Variants in CUX1 observed in about 807,000 individuals in gnomAD.
CUX1 encodes the protein protein CASP.
CUX1 carries 31 observed loss-of-function variants against 158.8 expected under a neutral mutation model. That is an observed-to-expected ratio of 0.20 (90% CI 0.15 to 0.26). The LOEUF is 0.26. CUX1 is among the 10% of genes least tolerant of loss of function. CUX1 has a pLI of 1.00. For synonymous variants in CUX1, 879 were observed against 862.1 expected, an observed-to-expected ratio of 1.02 and a Z score of -0.34; for missense variants, 1,589 against 2,014.6, an observed-to-expected ratio of 0.79 and a Z score of 4.04.
intron 4 of CUX1, among the ~76,000 whole-genome samples, chr7:102,086,683 C>T (rs1260319000): frequency 1.8e-4 from 28 of 151,636 alleles, no homozygotes; most frequent in African/African-American, 6.8e-4. Context: ...GACTTTGGCT[C>T]ACTGCAACCT....
intron 1 of CUX1, among the ~76,000 whole-genome samples, chr7:101,907,502 C>A (rs2131820674): frequency 1.3e-5 from 2 of 152,182 alleles, no homozygotes; most frequent in South Asian, 4.2e-4. Flanking sequence ...GTGTACGTCA[C>A]CACACCCGGC....
chr7:102,054,528 T>A (rs926754981), intron 3 of CUX1, among the ~76,000 whole-genome samples: 5 of 152,214 alleles, frequency 3.3e-5, no homozygotes, highest in African/African-American at 7.2e-5. Context: ...CCCCTACCAG[T>A]TCAGGTCAAT....
intron 1 of CUX1, among the ~76,000 whole-genome samples, chr7:101,832,095 A>C (rs1038217515): frequency 6.6e-6 from 1 of 152,092 alleles, no homozygotes; most frequent in African/African-American, 2.4e-5. Context: ...GGTGTGTCTT[A>C]GAGGATCCTT....
chr7:101,913,303 A>G, intron 1 of CUX1: 1 of 1,164,770 alleles, frequency 8.6e-7, no homozygotes, highest in Admixed American at 2.6e-5. Context: ...AAATTTGGAG[A>G]CCCCCGTGGG....
chr7:101,991,267 G>A (rs1436113730), intron 2 of CUX1, among the ~76,000 whole-genome samples: 1 of 152,198 alleles, frequency 6.6e-6, no homozygotes, highest in African/African-American at 2.4e-5. Context: ...CACCACCGTC[G>A]TGGGCAGCAT....
chr7:102,258,123 C>G lies in CUX1; in HGVS notation c.*9081C>G. 1.0e-6 allele frequency: 1 copy of G among 985,120 alleles called. No individual in the cohort carries two copies. Among genetic ancestry groups the G allele is most frequent in the Non-Finnish European group, 1.2e-6 (1 of 829,836 alleles). The allele number at this position is 985,120 out of a possible 1,614,324, so 61.0% of individuals were successfully genotyped here. A position where few individuals can be genotyped will look rare whatever the true frequency, so the allele number is the denominator to read the frequency against. On this transcript the variant is annotated 3_prime_UTR_variant, in exon 24 of 24. Transcript: ENST00000292535. ...TTGTTCTCAGCACTGTACAACGGTC[C>G]CTATATAATACGGAGAAGCAATATC...
chr7:102,140,033 T>G (rs894077796), intron 8 of CUX1, among the ~76,000 whole-genome samples: 14 of 152,182 alleles, frequency 9.2e-5, no homozygotes, highest in African/African-American at 3.4e-4. Context: ...CTTAAAACTT[T>G]CATTACCCCT....
intron 23 of CUX1, among the ~76,000 whole-genome samples, chr7:102,245,886 C>T (rs1800753908): frequency 6.6e-6 from 1 of 151,368 alleles, no homozygotes. Flanking sequence ...GCAGGAGAAT[C>T]ATTTGAACCC....
intron 1 of CUX1, among the ~76,000 whole-genome samples, chr7:101,821,304 A>G (rs924647809): frequency 6.6e-6 from 1 of 151,622 alleles, no homozygotes. Flanking sequence ...ACCAGCAACC[A>G]TAAAAGTATT....
At chr7:102,093,099 A>C (rs1334934782) in intron 4 of CUX1, among the ~76,000 whole-genome samples, 1 of 149,380 alleles carries the variant, frequency 6.7e-6, no homozygotes, top group African/African-American at 2.5e-5. Flanking sequence ...CTTAGGAAAT[A>C]TTTGTTAAAT....
intron 4 of CUX1, among the ~76,000 whole-genome samples, chr7:102,090,380 T>C (rs1251853606): frequency 2.0e-5 from 3 of 151,536 alleles, no homozygotes; most frequent in Admixed American, 1.3e-4. Flanking sequence ...TTTTTTTTTG[T>C]TTTTTTGTTT....
At chr7:102,192,838 T>A (rs1794425422) in intron 12 of CUX1, among the ~76,000 whole-genome samples, 1 of 152,184 alleles carries the variant, frequency 6.6e-6, no homozygotes, top group Non-Finnish European at 1.5e-5. Context: ...CAAAGCCACA[T>A]AGCCTCACTT....
At chr7:102,077,424 T>G (rs1826886436) in intron 4 of CUX1, among the ~76,000 whole-genome samples, 1 of 151,236 alleles carries the variant, frequency 6.6e-6, no homozygotes, top group Admixed American at 6.6e-5. Context: ...GCGCAGTGGC[T>G]TACTCCTATA....
At chr7:102,170,908 C>G (rs1444049078) in intron 10 of CUX1, among the ~76,000 whole-genome samples, 2 of 138,114 alleles carry the variant, frequency 1.4e-5, no homozygotes, top group Non-Finnish European at 3.1e-5. Context: ...CAGAATGACA[C>G]GGAGAAATTG....
chr7:101,831,841 A>G (rs571607005), intron 1 of CUX1, among the ~76,000 whole-genome samples: 1 of 152,030 alleles, frequency 6.6e-6, no homozygotes, highest in East Asian at 1.9e-4. Flanking sequence ...TCCCGGGCTC[A>G]AGCTATCCTC....
chr7:102,034,591 A>G (rs1400057956), intron 3 of CUX1, among the ~76,000 whole-genome samples: 2 of 152,038 alleles, frequency 1.3e-5, no homozygotes, highest in Non-Finnish European at 2.9e-5. Flanking sequence ...CAGCTCTACT[A>G]AAAATACAAA....
intron 3 of CUX1, among the ~76,000 whole-genome samples, chr7:102,029,345 G>GACAGGAGAGATATGGCCGTGAGAT (rs1054184407): frequency 1.3e-5 from 2 of 152,086 alleles, no homozygotes; most frequent in Non-Finnish European, 2.9e-5. Context: ...TGGGGGAAGG[G>GACAGGAGAGATATGGCCGTGAGAT]ACAGGAGAGA....
At position 102,249,275 on chromosome 7, in the gene CUX1, G is replaced by A. The variant is rs142248299; in HGVS notation, c.*233G>A. 2,649 of 1,053,512 alleles carry A rather than the reference G, an allele frequency of 2.5e-3. 46 individuals carry two copies. The African/African-American group carries it at 0.042, about 17-fold the overall frequency. The allele number at this position is 1,053,512 out of a possible 1,614,324, so 65.3% of individuals were successfully genotyped here. A position where few individuals can be genotyped will look rare whatever the true frequency, so the allele number is the denominator to read the frequency against. On this transcript the variant is annotated 3_prime_UTR_variant, in exon 24 of 24. Transcript: ENST00000292535. ...CCACTCTGCGGCCCGGGCCGACCCTGCGGCCTCCACCAACCCCGCGGCCCA... is the reference window on the plus strand; with the variant it reads ...CCACTCTGCGGCCCGGGCCGACCCTACGGCCTCCACCAACCCCGCGGCCCA...
At chr7:102,110,068 C>G (rs782058288) in intron 6 of CUX1, among the ~76,000 whole-genome samples, 1 of 152,088 alleles carries the variant, frequency 6.6e-6, no homozygotes, top group Non-Finnish European at 1.5e-5. Context: ...ATGTGGTGCA[C>G]GTTGTGATCA....
Sources: gnomAD v4.1 joint callset for allele counts (sites outside exome capture counted in the v4.1 genomes callset) on GRCh38, gnomAD v4.1.1 for gene constraint, MANE v1.5 for transcripts, NCBI Gene and HGNC (gene_info 2026-07-23, HGNC 2026-07-21) for gene names.